NUP188: variants seen among roughly 807,000 people sequenced by gnomAD.
NUP188 encodes nucleoporin NUP188.
A neutral mutation model predicts 223.0 loss-of-function variants in NUP188; 97 were observed. That is an observed-to-expected ratio of 0.43 (90% CI 0.37 to 0.51). NUP188 has a LOEUF of 0.51. NUP188 is among the 20% of genes least tolerant of loss of function. NUP188 has a pLI of 0.00. For synonymous variants in NUP188, 869 were observed against 828.0 expected (o/e 1.05, Z -0.85); for missense variants, 1,947 against 2,175.6 (o/e 0.89, Z 2.09).
chr9:128,996,599 C>T (rs1252810167), intron 30 of NUP188, among the ~76,000 whole-genome samples: 2 of 152,170 alleles, frequency 1.3e-5, no homozygotes, highest in South Asian at 2.1e-4. Flanking sequence ...TTTGTGGCTA[C>T]TCTTGCTGTG....
intron 14 of NUP188, among the ~76,000 whole-genome samples, chr9:128,980,990 A>G (rs1222184277): frequency 1.3e-5 from 2 of 152,214 alleles, no homozygotes; most frequent in Admixed American, 1.3e-4. Flanking sequence ...TAAGAAATAA[A>G]TAGCTAAGAG....
At position 128,954,222 on chromosome 9, in the gene NUP188, C is replaced by CT. The variant is rs926119785; in HGVS notation, c.161+1386dup. On this transcript the variant is annotated intron_variant, in intron 3 of 43. Transcript: ENST00000372577. ...CTCTTAGCTGTGACAATGTCTTAGT[C>CT]TTTTTTTTTTGAGATGGAGTCTCGC... 3.8e-3 allele frequency among the ~76,000 whole-genome samples: 560 copies of CT among 148,102 alleles called. 1 individual carries two copies. The highest frequency in any genetic ancestry group is 0.012 in the African/African-American group (482 of 40,424).
chr9:128,958,097 G>A, intron 6 of NUP188, 43 bp downstream of exon 6: 5 of 1,523,282 alleles, frequency 3.3e-6, no homozygotes, highest in Non-Finnish European at 4.5e-6. Context: ...GTAAAATTGA[G>A]TGACAGCTTC....
rs1428220798 is a variant in NUP188, at chr9:128,994,428, T to C, written c.3073T>C (p.Ser1025Pro). Residue 1025 changes from serine to proline, a missense_variant, in exon 28 of 44, where the codon TCT (serine) becomes CCT (proline). Transcript: ENST00000372577. ...GCTGTTTGGAACCCTTTCTCCTCCC[T>C]CTGAAACATCAGAGGTAAGCTGTGG... ...SPLFGTLSPP[S>P]ETSEPSILET... 6.2e-7 allele frequency: 1 copy of C among 1,612,902 alleles called. No homozygotes were observed. Among genetic ancestry groups the C allele is most frequent in the East Asian group, 2.2e-5 (1 of 44,890 alleles).
At chr9:128,994,234 G>A (rs963798454) in intron 27 of NUP188, 139 bp from the exon 28 acceptor site, 9 of 655,378 alleles carry the variant, frequency 1.4e-5, no homozygotes, top group East Asian at 2.6e-5. Context: ...TCATTTATAC[G>A]GGAACAACTG....
chr9:128,983,337 G>A lies in NUP188; in HGVS notation c.1841G>A (p.Cys614Tyr). ...CCACCTGTGGATGTCATTGCTTCTT[G>A]TGTCAACTGCTTAACTGTTTTGGCT... ...ISPPVDVIAS[C>Y]VNCLTVLAAR... The change falls in exon 18 of 44, where the codon TGT becomes TAT. Residue 614 changes from cysteine to tyrosine, a missense_variant. Transcript: ENST00000372577. 6.2e-7 allele frequency: 1 copy of A among 1,614,186 alleles called. No homozygotes were observed. The highest frequency in any genetic ancestry group is 8.5e-7 in the Non-Finnish European group (1 of 1,180,030).
chr9:128,951,094 C>T (rs1376079509), intron 2 of NUP188, among the ~76,000 whole-genome samples: 1 of 151,950 alleles, frequency 6.6e-6, no homozygotes, highest in Non-Finnish European at 1.5e-5. Context: ...GGCGGATCAC[C>T]TGAGGTCAGG....
chr9:129,003,073 G>GGC (rs1372626436), intron 37 of NUP188, 98 bp downstream of exon 37: 15 of 1,374,258 alleles, frequency 1.1e-5, no homozygotes, highest in Non-Finnish European at 1.5e-5. Flanking sequence ...GGCCTCAGTA[G>GGC]CGGAGGGTTG....
At chr9:128,992,475 G>A (rs935133672) in intron 25 of NUP188, among the ~76,000 whole-genome samples, 5 of 152,196 alleles carry the variant, frequency 3.3e-5, no homozygotes, top group African/African-American at 9.7e-5. Context: ...GATTACAGGC[G>A]TGAGCCACTG....
intron 41 of NUP188, 22 bp downstream of exon 41, chr9:129,005,798 CTG>C (rs1465120226): frequency 6.4e-7 from 1 of 1,571,386 alleles, no homozygotes; most frequent in Admixed American, 1.9e-5. Context: ...CTGTCAGACA[CTG>C]TCCTCTCCCC....
chr9:128,982,477 T>C (rs1842269804), intron 15 of NUP188, 72 bp from the exon 16 acceptor site: 1 of 1,313,980 alleles, frequency 7.6e-7, no homozygotes, highest in East Asian at 2.3e-5. Context: ...GTTTAAAATA[T>C]TGATGTCTGG....
chr9:128,982,997 A>G lies in NUP188; in HGVS notation c.1765A>G (p.Ile589Val). ...GTCGATAGCAGACTGTCTCCTGCCC[A>G]TCACATCTCGCATCTACATGCTGCT... ...DLSIADCLLPITSRIYMLLQR... is the reference protein window; with the variant it reads ...DLSIADCLLPVTSRIYMLLQR... Residue 589 changes from isoleucine (I) to valine (V), a missense_variant, in exon 17 of 44, where the codon ATC (isoleucine) becomes GTC (valine). By Grantham distance (29) the Ile-to-Val change is conservative. This residue lies in a region of NUP188 where 817 missense variants were observed against 865.8 expected (regional missense o/e 0.94). Transcript: ENST00000372577. 1.9e-6 allele frequency: 3 copies of G among 1,614,154 alleles called. No homozygotes were observed. Among genetic ancestry groups the G allele is most frequent in the Non-Finnish European group, 2.5e-6 (3 of 1,180,012 alleles).
chr9:128,988,093 G>A lies in NUP188; in HGVS notation c.2440G>A (p.Val814Met), dbSNP rs759052168. 1.9e-6 allele frequency: 3 copies of A among 1,614,126 alleles called. No individual in the cohort carries two copies. The highest frequency in any genetic ancestry group is 2.5e-6 in the Non-Finnish European group (3 of 1,180,044). Residue 814 changes from valine (V) to methionine (M), a missense_variant, in exon 24 of 44, where the codon GTG becomes ATG. Val to Met is a conservative substitution (Grantham distance 21, BLOSUM62 1). Transcript: ENST00000372577. ...QGQGQLLIKT[V>M]KLAFSVTNNV... Reference sequence around the variant, plus strand: ...GCAGGGCCAGCTGCTGATCAAGACAGTGAAACTGGCATTCTCCGTCACCAA... The same window carrying A: ...GCAGGGCCAGCTGCTGATCAAGACAATGAAACTGGCATTCTCCGTCACCAA...
intron 2 of NUP188, among the ~76,000 whole-genome samples, chr9:128,951,059 C>T (rs963475724): frequency 1.3e-5 from 2 of 152,138 alleles, no homozygotes; most frequent in Non-Finnish European, 2.9e-5. Flanking sequence ...CGCCTGTAAT[C>T]CCAGCACTTT....
At chr9:128,951,423 G>T (rs1026856801) in intron 2 of NUP188, among the ~76,000 whole-genome samples, 4 of 152,000 alleles carry the variant, frequency 2.6e-5, no homozygotes, top group African/African-American at 9.7e-5. Flanking sequence ...AGCCTGCAGT[G>T]AGCCATGATT....
At position 128,958,913 on chromosome 9, in the gene NUP188, C is replaced by G. The variant is rs746536843; in HGVS notation, c.465+19C>G. 12 of 1,509,476 alleles carry G rather than the reference C, an allele frequency of 7.9e-6. No individual in the cohort carries two copies. The highest frequency in any genetic ancestry group is 1.4e-5 in the African/African-American group (1 of 72,322). 93.5% of individuals were successfully genotyped at this position (1,509,476 alleles called of 1,614,324 possible). A position where few individuals can be genotyped will look rare whatever the true frequency, so the allele number is the denominator to read the frequency against. On this transcript the variant is annotated intron_variant, in intron 7 of 43. Transcript: ENST00000372577. ...CTATAGGGTAAGCTTGTTTAGTCCT[C>G]TTGCTTCTCTTTATACTGTATCATC...
chr9:128,954,339 C>G (rs1426223197), intron 3 of NUP188, among the ~76,000 whole-genome samples: 2 of 147,916 alleles, frequency 1.4e-5, no homozygotes, highest in South Asian at 4.3e-4. Context: ...CTCAGCCTCC[C>G]GAGTAGCTGG....
At chr9:128,983,907 G>A (rs1842292612) in intron 19 of NUP188, among the ~76,000 whole-genome samples, 1 of 152,068 alleles carries the variant, frequency 6.6e-6, no homozygotes, top group Non-Finnish European at 1.5e-5. Flanking sequence ...TGCAGCCTCT[G>A]CCTCCCGGGT....
In NUP188 at chr9:128,968,037, G is replaced by A. The variant is rs560017100; in HGVS notation, c.586-469G>A. Among the ~76,000 whole-genome samples, 31 of 152,302 alleles carry A rather than the reference G, an allele frequency of 2.0e-4. 1 individual carries two copies. In the South Asian group the frequency reaches 5.4e-3, roughly 26 times the overall value. ...AGTGCTTTGGCCTCCCAGGAGGATC[G>A]ATTGAGGCTAGGAATTCAAAACCAG... On this transcript the variant is annotated intron_variant, in intron 8 of 43. Coordinates refer to ENST00000372577, the MANE Select transcript of NUP188 (RefSeq NM_015354.3).
Sources: gnomAD v4.1 joint callset for allele counts (sites outside exome capture counted in the v4.1 genomes callset) on GRCh38, gnomAD v4.1.1 for gene constraint, gnomAD v4.1.1 regional missense constraint, MANE v1.5 for transcripts, NCBI Gene and HGNC (gene_info 2026-07-23, HGNC 2026-07-21) for gene names.